COL23A1: variants seen among roughly 807,000 people sequenced by gnomAD.
COL23A1 encodes collagen type XXIII alpha 1 chain, also known as collagen alpha-1(XXIII) chain.
In COL23A1, 97 loss-of-function variants were observed where a neutral mutation model predicts 99.3. The observed-to-expected ratio is 0.98, with a 90% confidence interval of 0.83 to 1.16. COL23A1 has a LOEUF of 1.16. Ranked by LOEUF, COL23A1 falls within the 50% of genes most tolerant of loss-of-function variation. The probability of loss-of-function intolerance (pLI) is 0.00; values close to 1 mark genes in which losing one functional copy is unlikely to be tolerated. For missense variants in COL23A1, 762 were observed against 757.4 expected (o/e 1.01, Z -0.07); for synonymous variants, 320 against 308.2 (o/e 1.04, Z -0.40).
chr5:178,330,421 C>T (rs1002087720), intron 2 of COL23A1, among the ~76,000 whole-genome samples: 2 of 152,102 alleles, frequency 1.3e-5, no homozygotes, highest in Non-Finnish European at 2.9e-5. Context: ...GTTCACAGGC[C>T]GAGGCGGGAG....
intron 2 of COL23A1, among the ~76,000 whole-genome samples, chr5:178,408,681 G>A (rs541416479): frequency 1.4e-4 from 21 of 152,056 alleles, no homozygotes; most frequent in Middle Eastern, 3.4e-3. Context: ...CAGGCCAGGC[G>A]CGGTGGCTCA....
chr5:178,253,671 C>CG (rs1473550176), intron 16 of COL23A1, among the ~76,000 whole-genome samples: 1 of 151,590 alleles, frequency 6.6e-6, no homozygotes, highest in African/African-American at 2.4e-5. Context: ...TTAGGAGAGA[C>CG]GCGGTTTCAC....
At chr5:178,513,269 C>T (rs1161310309) in intron 2 of COL23A1, among the ~76,000 whole-genome samples, 1 of 152,166 alleles carries the variant, frequency 6.6e-6, no homozygotes, top group Non-Finnish European at 1.5e-5. Flanking sequence ...CCGAGTGCTG[C>T]CCCTTCTTAA....
chr5:178,442,374 C>A (rs1039019762), intron 2 of COL23A1, among the ~76,000 whole-genome samples: 2 of 152,182 alleles, frequency 1.3e-5, no homozygotes, highest in African/African-American at 4.8e-5. Context: ...TTAAAGATCA[C>A]CGCCATCTCC....
intron 2 of COL23A1, among the ~76,000 whole-genome samples, chr5:178,524,807 A>C (rs982355311): frequency 2.6e-5 from 4 of 152,308 alleles, no homozygotes; most frequent in Non-Finnish European, 4.4e-5. Context: ...GCTCCACAAC[A>C]GACCCACAGA....
At chr5:178,553,168 T>TC (rs1762097973) in intron 2 of COL23A1, among the ~76,000 whole-genome samples, 1 of 43,776 alleles carries the variant, frequency 2.3e-5, no homozygotes, top group Non-Finnish European at 4.7e-5. Flanking sequence ...AGATCCTATC[T>TC]TAAAAAAAAA....
intron 2 of COL23A1, among the ~76,000 whole-genome samples, chr5:178,410,872 C>A (rs1232082392): frequency 6.6e-6 from 1 of 152,136 alleles, no homozygotes; most frequent in Non-Finnish European, 1.5e-5. Flanking sequence ...AATCATATAT[C>A]TGACAATACT....
At chr5:178,245,068 CTCA>C (rs1200503622) in intron 25 of COL23A1, among the ~76,000 whole-genome samples, 6 of 125,518 alleles carry the variant, frequency 4.8e-5, no homozygotes, top group Admixed American at 2.3e-4. Context: ...CATCCATCCA[CTCA>C]TCATCTATCA....
At chr5:178,319,791 G>A (rs942875408) in intron 2 of COL23A1, among the ~76,000 whole-genome samples, 5 of 152,230 alleles carry the variant, frequency 3.3e-5, no homozygotes, top group African/African-American at 9.7e-5. Context: ...GGGACTGAGG[G>A]GTTTCCCTGG....
intron 2 of COL23A1, among the ~76,000 whole-genome samples, chr5:178,476,939 C>T (rs1757062070): frequency 6.6e-6 from 1 of 152,230 alleles, no homozygotes; most frequent in Non-Finnish European, 1.5e-5. Context: ...AGGGTTTGAA[C>T]CCAAAGTGTC....
rs146533154 is a variant in COL23A1, at chr5:178,558,577, G to A, written c.361+2105C>T. Among the ~76,000 whole-genome samples, 200 of 152,252 alleles carry A rather than the reference G, an allele frequency of 1.3e-3. 1 individual carries two copies. The highest frequency in any genetic ancestry group is 4.6e-3 in the African/African-American group (191 of 41,554). On this transcript the variant is annotated intron_variant, in intron 2 of 28. Transcript: ENST00000390654. ...CTTCTGTGCCAGCTCACAATTTCAT[G>A]CTGGTGGTTGCTGGCGGCAACCCAC...
At position 178,406,804 on chromosome 5, in the gene COL23A1, CTT is replaced by C. The variant is rs538400544; in HGVS notation, c.362-99887_362-99886del. On this transcript the variant is annotated intron_variant, in intron 2 of 28. Coordinates refer to ENST00000390654, the MANE Select transcript of COL23A1 (RefSeq NM_173465.4). ...AAAACACATATGATAGCTTTGATAA[CTT>C]TGAAAAATTAGTGTAATGAGTAAAG... 4.3e-3 allele frequency among the ~76,000 whole-genome samples: 649 copies of C among 152,274 alleles called. 6 individuals are homozygous for C. Among genetic ancestry groups the C allele is most frequent in the African/African-American group, 0.015 (610 of 41,546 alleles).
Position 178,440,690 on chromosome 5 carries a change from ACTGTAACCTCTGC to A in COL23A1, c.361+119979_361+119991del, listed in dbSNP as rs565342763. ...GAGTGCAGTGGTGAGATCTCGGCTC[ACTGTAACCTCTGC>A]CTCCCAGGTTCAAGCGATTCTCTTG... On this transcript the variant is annotated intron_variant, in intron 2 of 28. Coordinates refer to ENST00000390654, the MANE Select transcript of COL23A1 (RefSeq NM_173465.4). Among the ~76,000 whole-genome samples, 101 of 142,706 alleles carry A rather than the reference ACTGTAACCTCTGC, an allele frequency of 7.1e-4. 2 individuals carry two copies. The South Asian group carries it at 0.022, about 31-fold the overall frequency. 93.6% of individuals were successfully genotyped at this position (142,706 alleles called of 152,430 possible).
chr5:178,424,938 C>T (rs1453873684), intron 2 of COL23A1, among the ~76,000 whole-genome samples: 1 of 152,216 alleles, frequency 6.6e-6, no homozygotes, highest in Non-Finnish European at 1.5e-5. Flanking sequence ...CTGGCCTCGC[C>T]TCCTCCTCAG....
At chr5:178,530,053 G>C (rs2113193849) in intron 2 of COL23A1, among the ~76,000 whole-genome samples, 1 of 152,282 alleles carries the variant, frequency 6.6e-6, no homozygotes, top group Admixed American at 6.5e-5. Context: ...AGCCTCTGTT[G>C]AATTCTGGAA....
chr5:178,387,038 C>T lies in COL23A1; in HGVS notation c.362-80119G>A, dbSNP rs567453345. 1.1e-4 allele frequency among the ~76,000 whole-genome samples: 16 copies of T among 152,282 alleles called. No homozygotes were observed. The South Asian group carries it at 2.1e-3, about 20-fold the overall frequency. ...GACTTCAGCTCCAGGTTTCGTCTCTCGCTCCAGGCTTCCTGCTGTCCGACT... is the reference window on the plus strand; with the variant it reads ...GACTTCAGCTCCAGGTTTCGTCTCTTGCTCCAGGCTTCCTGCTGTCCGACT... On this transcript the variant is annotated intron_variant, in intron 2 of 28. Coordinates refer to ENST00000390654, the MANE Select transcript of COL23A1 (RefSeq NM_173465.4). This position sits in a 1 kb window ranked among gnomAD's most constrained non-coding sequence, Gnocchi z 4.7.
intron 2 of COL23A1, among the ~76,000 whole-genome samples, chr5:178,376,168 A>G (rs1250680960): frequency 6.6e-6 from 1 of 152,024 alleles, no homozygotes; most frequent in East Asian, 1.9e-4. Context: ...TTTCCATAGC[A>G]CTTGTCATCT....
At chr5:178,406,254 G>C (rs1197307868) in intron 2 of COL23A1, among the ~76,000 whole-genome samples, 1 of 152,088 alleles carries the variant, frequency 6.6e-6, no homozygotes, top group Non-Finnish European at 1.5e-5. Flanking sequence ...GAAATCAAAA[G>C]ATGTATATGA....
chr5:178,458,116 C>T (rs1317396881), intron 2 of COL23A1, among the ~76,000 whole-genome samples: 2 of 3,078 alleles, frequency 6.5e-4, no homozygotes, highest in Admixed American at 4.5e-3. Context: ...GAAGCTCCCA[C>T]CGTCCAAAGA....
Sources: gnomAD v4.1 joint callset for allele counts (sites outside exome capture counted in the v4.1 genomes callset) on GRCh38, gnomAD v4.1.1 for gene constraint, Gnocchi (gnomAD v3.1) non-coding constraint, MANE v1.5 for transcripts, NCBI Gene and HGNC (gene_info 2026-07-23, HGNC 2026-07-21) for gene names.